The following UGT2B7 variants were observed in gnomAD, a reference collection of about 807,000 sequenced individuals.
The protein encoded by UGT2B7 is UDP glucuronosyltransferase family 2 member B7, also known as UDP-glucuronosyltransferase 2B7.
UGT2B7 carries 51 observed loss-of-function variants against 51.9 expected under a neutral mutation model. That is an observed-to-expected ratio of 0.98 (90% CI 0.78 to 1.24). UGT2B7 has a LOEUF of 1.24. UGT2B7 is among the 50% of genes most tolerant of loss of function. The pLI is 0.00. For synonymous variants in UGT2B7, 225 were observed against 211.6 expected (o/e 1.06, Z -0.55); for missense variants, 727 against 628.4 (o/e 1.16, Z -1.68).
At chr4:69,071,364 T>C (rs1237647696) in intron 1 of UGT2B7, among the ~76,000 whole-genome samples, 1 of 152,158 alleles carries the variant, frequency 6.6e-6, no homozygotes, top group Non-Finnish European at 1.5e-5. Flanking sequence ...AAAACTAAAT[T>C]GTAGGTGGAA....
At chr4:69,095,836 A>G (rs1158387535), upstream of UGT2B7, among the ~76,000 whole-genome samples, 2 of 152,208 alleles carry the variant, frequency 1.3e-5, no homozygotes, top group Non-Finnish European at 2.9e-5. Context: ...AAAAGAAGCC[A>G]GTCACAAAAT....
At chr4:69,093,959 G>C (rs575358816), upstream of UGT2B7, among the ~76,000 whole-genome samples, 1 of 151,858 alleles carries the variant, frequency 6.6e-6, no homozygotes, top group Admixed American at 6.6e-5. Context: ...ACCTACTTCC[G>C]GTCAGTCATC....
chr4:69,108,184 T>C lies in UGT2B7; in HGVS notation c.1172T>C (p.Val391Ala), dbSNP rs763449768. 1.9e-6 allele frequency: 3 copies of C among 1,613,672 alleles called. No homozygotes were observed. The highest frequency in any genetic ancestry group is 2.5e-6 in the Non-Finnish European group (3 of 1,179,716). ...GCAATCTACCATGGGATCCCTATGG[T>C]GGGGATTCCATTGTTTGCCGATCAA... ...YEAIYHGIPM[V>A]GIPLFADQPD... is the part of the protein sequence containing the mutation. The change falls in exon 5 of 6, where the codon GTG (valine) becomes GCG (alanine). Residue 391 changes from valine (V) to alanine (A), a missense_variant. Coordinates refer to ENST00000305231, the MANE Select transcript of UGT2B7 (RefSeq NM_001074.4).
intron 1 of UGT2B7, among the ~76,000 whole-genome samples, chr4:69,063,211 T>C (rs938956495): frequency 1.3e-4 from 19 of 146,710 alleles, no homozygotes; most frequent in South Asian, 4.3e-4. Context: ...CCCAGCTACT[T>C]GGGAGGCTGA....
intron 1 of UGT2B7, among the ~76,000 whole-genome samples, chr4:69,062,902 A>G (rs1203823233): frequency 6.6e-6 from 1 of 151,798 alleles, no homozygotes; most frequent in Non-Finnish European, 1.5e-5. Flanking sequence ...TGTTTAACCA[A>G]CCCCCTAAAT....
chr4:69,095,294 T>C (rs1719192504), upstream of UGT2B7, among the ~76,000 whole-genome samples: 1 of 151,974 alleles, frequency 6.6e-6, no homozygotes, highest in Admixed American at 6.6e-5. Context: ...GCTGGAAAAT[T>C]TGGGTAATTG....
At chr4:69,093,726 G>A (rs1719141234), upstream of UGT2B7, among the ~76,000 whole-genome samples, 1 of 152,200 alleles carries the variant, frequency 6.6e-6, no homozygotes, top group African/African-American at 2.4e-5. Context: ...AAAGAAGCAT[G>A]TTATTTGGGG....
chr4:69,081,450 C>T (rs961973927), intron 1 of UGT2B7, among the ~76,000 whole-genome samples: 1 of 152,090 alleles, frequency 6.6e-6, no homozygotes, highest in Admixed American at 6.6e-5. Flanking sequence ...CAAAAATGAC[C>T]TTTTGACTGG....
intron 2 of UGT2B7, among the ~76,000 whole-genome samples, chr4:69,102,387 A>G: frequency 6.6e-6 from 1 of 152,304 alleles, no homozygotes; most frequent in South Asian, 2.1e-4. Context: ...ACCTGCCTGA[A>G]ATAAACACAA....
chr4:69,101,470 C>T (rs1326725340), intron 2 of UGT2B7, among the ~76,000 whole-genome samples: 1 of 151,914 alleles, frequency 6.6e-6, no homozygotes, highest in Non-Finnish European at 1.5e-5. Flanking sequence ...TCGATTCCTT[C>T]AACACTGGGT....
At position 69,112,960 on chromosome 4, in the gene UGT2B7, G is replaced by C. The variant is rs1455064679; in HGVS notation, c.*224G>C. 3 of 546,490 alleles carry C rather than the reference G, an allele frequency of 5.5e-6. No homozygotes were observed. The African/African-American group carries it at 5.9e-5, about 11-fold the overall frequency. The allele number at this position is 546,490 out of a possible 1,614,324, so 33.9% of individuals were successfully genotyped here. The stretch of plus-strand genomic sequence containing the variant: ...TTTGTGGCAATGAAGAAAACACTAC[G>C]GAAAATAAAAAATAAGATAAAGCCT... On this transcript the variant is annotated 3_prime_UTR_variant, in exon 6 of 6. Transcript: ENST00000305231.
At chr4:69,070,985 A>G (rs1718588822) in intron 1 of UGT2B7, among the ~76,000 whole-genome samples, 1 of 152,154 alleles carries the variant, frequency 6.6e-6, no homozygotes, top group Non-Finnish European at 1.5e-5. Context: ...CTTCCTGTGT[A>G]AAACTATGCA....
At chr4:69,107,295 T>G (rs747825561) in intron 4 of UGT2B7, 33 bp downstream of exon 4, 21 of 1,566,050 alleles carry the variant, frequency 1.3e-5, no homozygotes, top group Non-Finnish European at 1.7e-5. Flanking sequence ...CTGAATATAT[T>G]AGTAACAGCA....
intron 1 of UGT2B7, among the ~76,000 whole-genome samples, chr4:69,074,937 C>T (rs952886729): frequency 2.6e-5 from 4 of 151,994 alleles, no homozygotes; most frequent in Admixed American, 1.3e-4. Context: ...AAAGTTGAGT[C>T]GCTTATGATC....
intron 1 of UGT2B7, among the ~76,000 whole-genome samples, chr4:69,070,378 TA>T (rs1200646720): frequency 6.7e-6 from 1 of 148,152 alleles, no homozygotes; most frequent in Admixed American, 6.8e-5. Flanking sequence ...GTTACCTAGA[TA>T]AAGAACCCTC....
chr4:69,111,723 A>G lies in UGT2B7; in HGVS notation c.1311-734A>G, dbSNP rs560440160. ...CCCTCAAAAACTTAAACAATTAAAA[A>G]CAAATTAAAAATGCCTTATATTTTC... On this transcript the variant is annotated intron_variant, in intron 5 of 5. Transcript: ENST00000305231. 7.2e-5 allele frequency among the ~76,000 whole-genome samples: 11 copies of G among 152,332 alleles called. No homozygotes were observed. The South Asian group carries it at 2.3e-3, about 32-fold the overall frequency.
chr4:69,052,583 A>AGGGGAGGC lies in UGT2B7; in HGVS notation c.-159+981_-159+982insGGGGAGGC, dbSNP rs1190749085. 2.0e-5 allele frequency among the ~76,000 whole-genome samples: 3 copies of AGGGGAGGC among 151,528 alleles called. 1 individual carries two copies. The highest frequency in any genetic ancestry group is 7.2e-5 in the African/African-American group (3 of 41,402). ...ATGGTTATCTTCAAAAAAAAAAAAA[A>AGGGGAGGC]AAAAAAAAAGAAGGGGAGGCAAAAT... On this transcript the variant is annotated intron_variant, in intron 1 of 5. Coordinates refer to the UGT2B7 transcript ENST00000502942.
chr4:69,062,998 G>A (rs1373066772), intron 1 of UGT2B7, among the ~76,000 whole-genome samples: 2 of 152,098 alleles, frequency 1.3e-5, no homozygotes, highest in Non-Finnish European at 2.9e-5. Context: ...AGGAGGACCC[G>A]TATTAGGATG....
chr4:69,093,251 C>T (rs1719129074), upstream of UGT2B7, among the ~76,000 whole-genome samples: 1 of 152,174 alleles, frequency 6.6e-6, no homozygotes, highest in Non-Finnish European at 1.5e-5. Flanking sequence ...GGTAGAGTAG[C>T]TGTGTTGTGC....
Sources: allele counts gnomAD v4.1 joint callset (sites outside exome capture counted in the v4.1 genomes callset), GRCh38; gene constraint gnomAD v4.1.1; transcripts MANE v1.5; gene names NCBI Gene and HGNC (gene_info 2026-07-23, HGNC 2026-07-21).